The following KIF21A variants were observed in gnomAD, a reference collection of about 807,000 sequenced individuals.
KIF21A encodes the protein kinesin family member 21A, also known as kinesin-like protein KIF21A.
Under a neutral mutation model 202.9 loss-of-function variants are expected in KIF21A, and 114 were observed. The observed-to-expected ratio is 0.56, with a 90% CI of 0.48 to 0.66. The LOEUF (loss-of-function observed/expected upper bound fraction) is 0.66, where lower values mean the gene tolerates loss of function less well. Ranked by LOEUF, KIF21A falls within the 30% of genes least tolerant of loss-of-function variation. The pLI is 0.00. For synonymous variants in KIF21A, 667 were observed against 670.8 expected, an observed-to-expected ratio of 0.99 and a Z score of 0.09; for missense variants, 1,677 against 1,994.9, an observed-to-expected ratio of 0.84 and a Z score of 3.04.
chr12:39,322,607 A>G, intron 27 of KIF21A, 61 bp downstream of exon 27: 2 of 1,215,920 alleles, frequency 1.6e-6, no homozygotes, highest in Admixed American at 3.4e-5. Context: ...AATTAGCAAC[A>G]TGCATACTTT....
chr12:39,322,901 G>C lies in KIF21A; in HGVS notation c.3457-19C>G. ...TTCGGGCCTAGTCAAAGAATGGAAG[G>C]AAAAGCAATCAGGAGCAAACTCTTG... On this transcript the variant is annotated intron_variant, in intron 26 of 37. Transcript: ENST00000361418. 2 of 1,491,130 alleles carry C rather than the reference G, an allele frequency of 1.3e-6. No individual in the cohort carries two copies. The allele number at this position is 1,491,130 out of a possible 1,614,324, so 92.4% of individuals were successfully genotyped here.
At chr12:39,402,850 A>T (rs1334333836) in intron 1 of KIF21A, among the ~76,000 whole-genome samples, 1 of 152,162 alleles carries the variant, frequency 6.6e-6, no homozygotes, top group Non-Finnish European at 1.5e-5. Flanking sequence ...GGAAGCCAAA[A>T]GACTGGACAC....
chr12:39,377,290 C>T (rs1204994344), intron 1 of KIF21A, among the ~76,000 whole-genome samples: 2 of 152,252 alleles, frequency 1.3e-5, no homozygotes, highest in African/African-American at 4.8e-5. Flanking sequence ...ATGTTGGATG[C>T]TACTTACTGG....
At chr12:39,401,689 C>G (rs558553987) in intron 1 of KIF21A, among the ~76,000 whole-genome samples, 1 of 152,104 alleles carries the variant, frequency 6.6e-6, no homozygotes, top group Non-Finnish European at 1.5e-5. Flanking sequence ...GAACATCTAT[C>G]GAAGGCATGT....
rs534903531 is a variant in KIF21A, at chr12:39,356,765, A to G, written c.1469+67T>C. 167 of 781,730 alleles carry G rather than the reference A, an allele frequency of 2.1e-4. 1 individual carries two copies. The highest frequency in any genetic ancestry group is 4.6e-4 in the Middle Eastern group (2 of 4,326). 48.4% of individuals were successfully genotyped at this position (781,730 alleles called of 1,614,324 possible). A position where few individuals can be genotyped will look rare whatever the true frequency, so the allele number is the denominator to read the frequency against. ...GTTGAACACTAAGCCCAACAAACAGAAATATTATAACATTGCAAAATCCAA... is the reference window on the plus strand; with the variant it reads ...GTTGAACACTAAGCCCAACAAACAGGAATATTATAACATTGCAAAATCCAA... On this transcript the variant is annotated intron_variant, in intron 10 of 37. Coordinates refer to ENST00000361418, the MANE Select transcript of KIF21A (RefSeq NM_001173464.2).
chr12:39,351,756 G>T, intron 11 of KIF21A, 21 bp downstream of exon 11: 1 of 1,361,022 alleles, frequency 7.3e-7, no homozygotes, highest in South Asian at 1.2e-5. Flanking sequence ...GATTCATTTA[G>T]TGGTGATTTT....
intron 34 of KIF21A, 143 bp downstream of exon 34, chr12:39,307,422 A>C (rs1943584093): frequency 3.0e-6 from 2 of 674,110 alleles, no homozygotes; most frequent in South Asian, 1.9e-5. Flanking sequence ...AGACATTTAG[A>C]GGTACTATGC....
chr12:39,354,049 C>T (rs1948596235), intron 10 of KIF21A, among the ~76,000 whole-genome samples: 1 of 152,134 alleles, frequency 6.6e-6, no homozygotes, highest in African/African-American at 2.4e-5. Context: ...AAAGGCCCCA[C>T]TCTTCCCTTT....
At chr12:39,359,308 C>A (rs1949026193) in intron 7 of KIF21A, among the ~76,000 whole-genome samples, 1 of 152,128 alleles carries the variant, frequency 6.6e-6, no homozygotes, top group African/African-American at 2.4e-5. Flanking sequence ...ATCCAAGAAC[C>A]AAATCCTCCA....
chr12:39,416,852 CA>C (rs1318787407), intron 1 of KIF21A, among the ~76,000 whole-genome samples: 3 of 129,010 alleles, frequency 2.3e-5, no homozygotes. Flanking sequence ...TAGATATGTA[CA>C]TATATATGTG....
intron 3 of KIF21A, among the ~76,000 whole-genome samples, chr12:39,368,458 TA>T (rs1158507434): frequency 6.6e-6 from 1 of 152,154 alleles, no homozygotes; most frequent in East Asian, 1.9e-4. Flanking sequence ...GTTGAAAAAT[TA>T]ACACTTAGCA....
At chr12:39,393,019 G>A (rs1415198443) in intron 1 of KIF21A, among the ~76,000 whole-genome samples, 1 of 148,232 alleles carries the variant, frequency 6.7e-6, no homozygotes, top group Non-Finnish European at 1.5e-5. Context: ...ATAAAACAAG[G>A]ATCCACATTT....
Position 39,308,586 on chromosome 12 carries a change from A to C in KIF21A, c.4278-857T>G, listed in dbSNP as rs1943703098. On this transcript the variant is annotated intron_variant, in intron 33 of 37. Transcript: ENST00000361418. ...TTTTCATTTACTTTAACCCAATCAT[A>C]GATGGAGTATCTAAGGCCTTAAACA... Among the ~76,000 whole-genome samples, 7 of 152,124 alleles carry C rather than the reference A, an allele frequency of 4.6e-5. No individual in the cohort carries two copies. The South Asian group carries it at 1.0e-3, about 23-fold the overall frequency.
intron 30 of KIF21A, 78 bp from the exon 31 acceptor site, chr12:39,315,318 A>G (rs1944416141): frequency 1.6e-6 from 2 of 1,265,130 alleles, no homozygotes. Context: ...GATAATGGTG[A>G]AAGGGAATGA....
chr12:39,425,932 T>TAAAAA (rs1016584377), intron 1 of KIF21A, among the ~76,000 whole-genome samples: 1 of 53,274 alleles, frequency 1.9e-5, no homozygotes. Context: ...GATTAGAAAC[T>TAAAAA]AAAAAAAAAA....
chr12:39,325,925 TA>T (rs1233859020), intron 25 of KIF21A, 32 bp from the exon 26 acceptor site: 1 of 1,564,416 alleles, frequency 6.4e-7, no homozygotes, highest in South Asian at 1.1e-5. Context: ...AGCACAAGAT[TA>T]AATAGAAAAT....
intron 34 of KIF21A, among the ~76,000 whole-genome samples, chr12:39,307,353 C>A (rs1943575158): frequency 6.6e-6 from 1 of 151,886 alleles, no homozygotes; most frequent in African/African-American, 2.4e-5. Flanking sequence ...TACTTATTTT[C>A]CCCAGCAACG....
intron 1 of KIF21A, among the ~76,000 whole-genome samples, chr12:39,386,139 C>A (rs1182775593): frequency 2.6e-5 from 4 of 152,188 alleles, no homozygotes; most frequent in Non-Finnish European, 5.9e-5. Context: ...TTTGCCTGGA[C>A]ACCCTGCACA....
At chr12:39,383,347 C>T (rs1950737829) in intron 1 of KIF21A, among the ~76,000 whole-genome samples, 1 of 152,058 alleles carries the variant, frequency 6.6e-6, no homozygotes, top group African/African-American at 2.4e-5. Context: ...TTGTCTAAGC[C>T]ACTAGCTTTC....
Sources: gnomAD v4.1 joint callset for allele counts (sites outside exome capture counted in the v4.1 genomes callset) on GRCh38, gnomAD v4.1.1 for gene constraint, MANE v1.5 for transcripts, NCBI Gene and HGNC (gene_info 2026-07-23, HGNC 2026-07-21) for gene names.